The following RBFOX1 variants were observed in gnomAD, a reference collection of about 807,000 sequenced individuals.
RBFOX1 encodes the protein RNA binding protein fox-1 homolog 1.
Under a neutral mutation model 57.7 loss-of-function variants are expected in RBFOX1, and 8 were observed. The observed-to-expected ratio is 0.14, with a 90% CI of 0.08 to 0.25. RBFOX1 has a LOEUF of 0.25. Ranked by LOEUF, RBFOX1 falls within the 10% of genes least tolerant of loss-of-function variation. The pLI, the probability that RBFOX1 is intolerant of heterozygous loss-of-function variation, is 1.00. For synonymous variants in RBFOX1, 326 were observed against 222.4 expected (o/e 1.47, Z -4.15); for missense variants, 611 against 548.5 (o/e 1.11, Z -1.14).
intron 5 of RBFOX1, among the ~76,000 whole-genome samples, chr16:7,533,166 A>G (rs376310813): frequency 2.0e-5 from 3 of 152,218 alleles, no homozygotes; most frequent in African/African-American, 7.2e-5. Flanking sequence ...TAGGCACTTG[A>G]GTATGATACT....
chr16:6,806,836 A>ATATATATATATATATATATATATATATAT, intron 3 of RBFOX1, among the ~76,000 whole-genome samples: 1 of 91,878 alleles, frequency 1.1e-5, no homozygotes, highest in East Asian at 3.1e-4. Context: ...ATATATATAT[A>ATATATATATATATATATATATATATATAT]TTTTTTTTTT....
intron 3 of RBFOX1, among the ~76,000 whole-genome samples, chr16:6,674,410 C>A (rs187042884): frequency 6.6e-6 from 1 of 152,172 alleles, no homozygotes; most frequent in African/African-American, 2.4e-5. Context: ...CAACCTCCGC[C>A]TCCTGGGTTA....
chr16:6,635,682 C>T (rs926904589), intron 2 of RBFOX1, among the ~76,000 whole-genome samples: 7 of 152,104 alleles, frequency 4.6e-5, no homozygotes, highest in East Asian at 3.9e-4. Context: ...ATGAGTCTTA[C>T]GGTTTTGTGA....
chr16:6,333,149 C>G (rs928818818), intron 2 of RBFOX1, among the ~76,000 whole-genome samples: 2 of 152,084 alleles, frequency 1.3e-5, no homozygotes, highest in Non-Finnish European at 2.9e-5. Flanking sequence ...AAGCAATTCT[C>G]CTGACTCAGC....
At chr16:6,935,083 C>T (rs1445422473) in intron 3 of RBFOX1, among the ~76,000 whole-genome samples, 2 of 151,760 alleles carry the variant, frequency 1.3e-5, no homozygotes, top group Non-Finnish European at 2.9e-5. Flanking sequence ...AGTGAGACCC[C>T]CATCTCGGAA....
intron 3 of RBFOX1, among the ~76,000 whole-genome samples, chr16:5,645,355 A>G (rs1366293187): frequency 6.6e-6 from 1 of 152,114 alleles, no homozygotes; most frequent in African/African-American, 2.4e-5. Context: ...TGAAGCATCT[A>G]GAATAGGTAT....
chr16:6,976,536 A>C (rs1249611770), intron 3 of RBFOX1, among the ~76,000 whole-genome samples: 1 of 151,942 alleles, frequency 6.6e-6, no homozygotes, highest in Non-Finnish European at 1.5e-5. Context: ...CACGGTGCAA[A>C]CTAAAAAAGC....
intron 5 of RBFOX1, among the ~76,000 whole-genome samples, chr16:7,518,820 C>G (rs2076942951): frequency 6.6e-6 from 1 of 152,010 alleles, no homozygotes; most frequent in Non-Finnish European, 1.5e-5. Context: ...GACAGGAGTT[C>G]GAGAATAGCC....
At chr16:7,666,220 G>A (rs1309008797) in intron 13 of RBFOX1, among the ~76,000 whole-genome samples, 6 of 152,068 alleles carry the variant, frequency 3.9e-5, no homozygotes, top group African/African-American at 9.7e-5. Flanking sequence ...CCTGGCTCTC[G>A]ACTCCATGCA....
At chr16:7,563,319 G>A (rs2090875185) in intron 5 of RBFOX1, among the ~76,000 whole-genome samples, 1 of 152,148 alleles carries the variant, frequency 6.6e-6, no homozygotes, top group African/African-American at 2.4e-5. Flanking sequence ...CTATTTTCTA[G>A]ATAAAGGTAA....
At chr16:5,590,990 C>A (rs1362057628) in intron 2 of RBFOX1, among the ~76,000 whole-genome samples, 1 of 151,842 alleles carries the variant, frequency 6.6e-6, no homozygotes, top group Admixed American at 6.6e-5. Flanking sequence ...ACCCCAAATT[C>A]ATTTAGCATG....
At chr16:5,316,741 C>A (rs1456573310) in intron 1 of RBFOX1, among the ~76,000 whole-genome samples, 1 of 152,098 alleles carries the variant, frequency 6.6e-6, no homozygotes, top group Non-Finnish European at 1.5e-5. Flanking sequence ...ACACTGAGTC[C>A]ATCTCTCTTC....
At chr16:7,503,120 C>G (rs756743131) in intron 4 of RBFOX1, among the ~76,000 whole-genome samples, 1 of 152,338 alleles carries the variant, frequency 6.6e-6, no homozygotes, top group Middle Eastern at 3.4e-3. Context: ...TTTTTCTCTT[C>G]ACTAGAACAT....
At chr16:6,557,955 C>A (rs1034991414) in intron 2 of RBFOX1, among the ~76,000 whole-genome samples, 2 of 152,154 alleles carry the variant, frequency 1.3e-5, no homozygotes, top group Non-Finnish European at 2.9e-5. Context: ...TAATTAAATT[C>A]TTTCTTGCCA....
rs183961571 is a variant in RBFOX1, at chr16:7,616,872, A to G, written c.676+9534A>G. On this transcript the variant is annotated intron_variant, in intron 10 of 15. Transcript: ENST00000550418. Reference sequence around the variant, plus strand: ...CAGGCAGATAATATTCTAAGGCCTGATATTTTATCTCCCAGGAGCTGGCCA... The same window carrying G: ...CAGGCAGATAATATTCTAAGGCCTGGTATTTTATCTCCCAGGAGCTGGCCA... 4.5e-3 allele frequency among the ~76,000 whole-genome samples: 678 copies of G among 152,224 alleles called. 5 individuals carry two copies. The highest frequency in any genetic ancestry group is 0.015 in the African/African-American group (642 of 41,550).
chr16:7,552,875 G>A (rs1184567066), intron 5 of RBFOX1, among the ~76,000 whole-genome samples: 3 of 151,968 alleles, frequency 2.0e-5, no homozygotes. Context: ...TAGAGATGGG[G>A]TTTCACCATA....
chr16:6,711,986 G>T (rs565259312), intron 3 of RBFOX1, among the ~76,000 whole-genome samples: 51 of 152,200 alleles, frequency 3.4e-4, no homozygotes, highest in South Asian at 1.0e-3. Context: ...TATAGTATAC[G>T]TTTTAGTGAT....
rs536431234 is a variant in RBFOX1 at position 5,360,942 on chromosome 16, C to T, written c.220-106274C>T. ...TAGTGGGAGAAGCCTCCAGTGCCCACGGCTTCTGCGGTGAGGAGGTGTGTA... is the reference window on the plus strand; with the variant it reads ...TAGTGGGAGAAGCCTCCAGTGCCCATGGCTTCTGCGGTGAGGAGGTGTGTA... On this transcript the variant is annotated intron_variant, in intron 1 of 2. Coordinates refer to the RBFOX1 transcript ENST00000585867. Among the ~76,000 whole-genome samples, 15 of 152,236 alleles carry T rather than the reference C, an allele frequency of 9.9e-5. 1 individual carries two copies. Among genetic ancestry groups the T allele is most frequent in the South Asian group, 4.1e-4 (2 of 4,828 alleles).
chr16:7,625,522 A>G (rs898795858), intron 10 of RBFOX1, among the ~76,000 whole-genome samples: 5 of 152,144 alleles, frequency 3.3e-5, no homozygotes, highest in Non-Finnish European at 7.4e-5. Context: ...ATTCCATCTT[A>G]GGTATTTCAT....
Sources: allele counts gnomAD v4.1 joint callset (sites outside exome capture counted in the v4.1 genomes callset), GRCh38; gene constraint gnomAD v4.1.1; transcripts MANE v1.5; gene names NCBI Gene and HGNC (gene_info 2026-07-23, HGNC 2026-07-21).